The following GAS7 variants were observed in gnomAD, a reference collection of about 807,000 sequenced individuals.
GAS7 encodes the protein growth arrest-specific protein 7.
A neutral mutation model predicts 71.1 loss-of-function variants in GAS7; 28 were observed. That is an observed-to-expected ratio of 0.39 (90% CI 0.29 to 0.54). The LOEUF is 0.54. GAS7 is among the 20% of genes least tolerant of loss of function. GAS7 has a pLI of 0.62. For missense variants in GAS7, 436 were observed against 627.8 expected, an observed-to-expected ratio of 0.69 and a Z score of 3.27; for synonymous variants, 258 against 245.8, an observed-to-expected ratio of 1.05 and a Z score of -0.46.
At chr17:10,069,658 C>T (rs190293396) in intron 1 of GAS7, among the ~76,000 whole-genome samples, 344 of 152,282 alleles carry the variant, frequency 2.3e-3, no homozygotes, top group Non-Finnish European at 3.9e-3. Context: ...AGACCCTGAA[C>T]CTCCCACACC....
At chr17:10,148,774 G>A (rs1192945481) in intron 1 of GAS7, among the ~76,000 whole-genome samples, 1 of 151,924 alleles carries the variant, frequency 6.6e-6, no homozygotes, top group Non-Finnish European at 1.5e-5. Context: ...GCTGGGCATG[G>A]TGGCGGGTGC....
chr17:10,084,720 G>T (rs965159981), intron 1 of GAS7, among the ~76,000 whole-genome samples: 31 of 152,206 alleles, frequency 2.0e-4, no homozygotes, highest in Non-Finnish European at 1.5e-5. Context: ...ACGTGCCTCG[G>T]CCTCCCAAAA....
At position 9,943,626 on chromosome 17, in the gene GAS7, T is replaced by C. The variant is rs117394822; in HGVS notation, c.616-390A>G. Among the ~76,000 whole-genome samples the C allele has an allele frequency of 1.6e-4, 25 of 152,326 alleles. No homozygotes were observed. The East Asian group carries it at 4.8e-3, about 29-fold the overall frequency. On this transcript the variant is annotated intron_variant, in intron 6 of 13. Coordinates refer to ENST00000432992, the MANE Select transcript of GAS7 (RefSeq NM_201433.2). ...CATCCTGACTCCAAGCTGGACTATGTGTGAGCTCAGGAGCAGGTACCCCCA... is the reference window on the plus strand; with the variant it reads ...CATCCTGACTCCAAGCTGGACTATGCGTGAGCTCAGGAGCAGGTACCCCCA...
intron 8 of GAS7, among the ~76,000 whole-genome samples, chr17:9,934,514 TC>T (rs2068325498): frequency 6.6e-6 from 1 of 151,898 alleles, no homozygotes; most frequent in South Asian, 2.1e-4. Flanking sequence ...GGGTGGGGAT[TC>T]CTAGAAATCC....
At chr17:10,147,832 T>C (rs1317310635) in intron 1 of GAS7, among the ~76,000 whole-genome samples, 1 of 152,196 alleles carries the variant, frequency 6.6e-6, no homozygotes, top group Non-Finnish European at 1.5e-5. Flanking sequence ...CTAGATTTTT[T>C]AAAACGGTGT....
chr17:9,972,126 T>C (rs549175543), intron 3 of GAS7, among the ~76,000 whole-genome samples: 1 of 152,262 alleles, frequency 6.6e-6, no homozygotes, highest in Admixed American at 6.5e-5. Flanking sequence ...CAGTAGAAGC[T>C]TGAGGGAAGC....
intron 1 of GAS7, among the ~76,000 whole-genome samples, chr17:10,156,345 C>A (rs1217056776): frequency 2.6e-5 from 4 of 152,196 alleles, no homozygotes; most frequent in African/African-American, 9.7e-5. Context: ...GGAGGAGGAT[C>A]TTTATGAACA....
In GAS7 at chr17:10,130,385, C is replaced by T. The variant is rs75750269; in HGVS notation, c.183+67823G>A. ...ACCAATGTTGGCAAGGATATGGAGGCATTGGAACCCTCATACGATCCTGGT... is the reference window on the plus strand; with the variant it reads ...ACCAATGTTGGCAAGGATATGGAGGTATTGGAACCCTCATACGATCCTGGT... On this transcript the variant is annotated intron_variant, in intron 1 of 13. Transcript: ENST00000432992. 4.6e-3 allele frequency among the ~76,000 whole-genome samples: 686 copies of T among 150,354 alleles called. 3 individuals carry two copies. Among genetic ancestry groups the T allele is most frequent in the African/African-American group, 0.016 (655 of 40,822 alleles).
intron 2 of GAS7, among the ~76,000 whole-genome samples, chr17:9,983,004 C>T (rs969406831): frequency 6.6e-6 from 1 of 152,114 alleles, no homozygotes; most frequent in Non-Finnish European, 1.5e-5. Flanking sequence ...AATACTTTCT[C>T]ACTACATACA....
At chr17:9,964,770 A>G (rs1343555064) in intron 4 of GAS7, among the ~76,000 whole-genome samples, 5 of 152,144 alleles carry the variant, frequency 3.3e-5, no homozygotes, top group African/African-American at 9.7e-5. Flanking sequence ...CCAGCCATAA[A>G]ACTCCATCAA....
At chr17:10,196,257 C>T (rs142185845) in intron 1 of GAS7, among the ~76,000 whole-genome samples, 126 of 152,314 alleles carry the variant, frequency 8.3e-4, no homozygotes, top group African/African-American at 2.8e-3. Context: ...TAACAAAACA[C>T]GCAAGCATTA....
chr17:9,994,250 T>C (rs1367659927), intron 2 of GAS7, among the ~76,000 whole-genome samples: 15 of 139,242 alleles, frequency 1.1e-4, no homozygotes, highest in African/African-American at 2.8e-4. Context: ...AGAACAAAGC[T>C]GGAGGCATCA....
intron 1 of GAS7, among the ~76,000 whole-genome samples, chr17:10,093,758 TAG>T (rs1285530720): frequency 6.6e-6 from 1 of 152,162 alleles, no homozygotes; most frequent in African/African-American, 2.4e-5. Context: ...CAGTTGACAT[TAG>T]ACTCTATGTT....
At chr17:10,006,637 T>C (rs1327958391) in intron 2 of GAS7, among the ~76,000 whole-genome samples, 1 of 148,698 alleles carries the variant, frequency 6.7e-6, no homozygotes, top group African/African-American at 2.6e-5. Flanking sequence ...CCGCCCCAAA[T>C]TCTTTGACTT....
Position 10,056,654 on chromosome 17 carries a change from G to A in GAS7, c.184-36757C>T, listed in dbSNP as rs536544331. Among the ~76,000 whole-genome samples, 130 of 152,020 alleles carry A rather than the reference G, an allele frequency of 8.6e-4. 1 individual carries two copies. The highest frequency in any genetic ancestry group is 3.1e-3 in the African/African-American group (127 of 41,482). ...TGGGAGGCCAAGGCAGGTGGATCAC[G>A]AGGTCAGGAGATCGAGACCATCCTG... On this transcript the variant is annotated intron_variant, in intron 1 of 13. Transcript: ENST00000432992.
intron 2 of GAS7, among the ~76,000 whole-genome samples, chr17:10,003,133 T>C (rs927007441): frequency 1.3e-5 from 2 of 152,164 alleles, no homozygotes; most frequent in Non-Finnish European, 2.9e-5. Flanking sequence ...TGGGGCTGGC[T>C]GGGGGTGATA....
intron 1 of GAS7, among the ~76,000 whole-genome samples, chr17:10,188,174 C>G (rs999343379): frequency 4.0e-5 from 6 of 151,822 alleles, no homozygotes; most frequent in African/African-American, 1.5e-4. Context: ...ACCCAGGAGA[C>G]AGAGGCTGCA....
chr17:10,048,925 G>A (rs8067422), intron 1 of GAS7, among the ~76,000 whole-genome samples: 13 of 152,128 alleles, frequency 8.5e-5, no homozygotes, highest in African/African-American at 3.1e-4. Flanking sequence ...CTCATTGCGG[G>A]GGGGAAGATT....
In GAS7 at chr17:10,005,143, ACG is replaced by A. The variant is rs1567879785; in HGVS notation, c.304+14632_304+14633del. The stretch of plus-strand genomic sequence containing the variant: ...CACGCATACCAGCATGTGTGCGCGC[ACG>A]CATGCATGCATGTGTGTGCGCACGC... On this transcript the variant is annotated intron_variant, in intron 2 of 13. Transcript: ENST00000432992. Among the ~76,000 whole-genome samples, 91 of 73,004 alleles carry A rather than the reference ACG, an allele frequency of 1.2e-3. No individual in the cohort carries two copies. In the East Asian group the frequency reaches 0.016, roughly 12 times the overall value. The allele number at this position is 73,004 out of a possible 152,430, so 47.9% of individuals were successfully genotyped here. A position where few individuals can be genotyped will look rare whatever the true frequency, so the allele number is the denominator to read the frequency against.
Sources: allele counts gnomAD v4.1 joint callset (sites outside exome capture counted in the v4.1 genomes callset), GRCh38; gene constraint gnomAD v4.1.1; transcripts MANE v1.5; gene names NCBI Gene and HGNC (gene_info 2026-07-23, HGNC 2026-07-21).